The following SOHLH2 variants were observed in gnomAD, a reference collection of about 807,000 sequenced individuals.
SOHLH2 encodes the protein spermatogenesis- and oogenesis-specific basic helix-loop-helix-containing protein 2.
A neutral mutation model predicts 50.4 loss-of-function variants in SOHLH2; 22 were observed. The observed-to-expected ratio is 0.44, with a 90% confidence interval of 0.31 to 0.62. The LOEUF (loss-of-function observed/expected upper bound fraction) is 0.62, where lower values mean the gene tolerates loss of function less well. Among genes scored for constraint, SOHLH2 ranks in the 20% least tolerant of loss-of-function variants. The pLI is 0.08. For synonymous variants in SOHLH2, 185 were observed against 187.3 expected (o/e 0.99, Z 0.10); for missense variants, 412 against 504.4 (o/e 0.82, Z 1.76).
chr13:36,200,784 C>A (rs1004392082), intron 2 of SOHLH2, among the ~76,000 whole-genome samples: 6 of 152,048 alleles, frequency 3.9e-5, no homozygotes, highest in African/African-American at 1.4e-4. Flanking sequence ...GGCATGGTGG[C>A]TCACCCCTGT....
Position 36,202,049 on chromosome 13 carries a change from G to A in SOHLH2, c.93C>T (p.Tyr31=), listed in dbSNP as rs1235003197. 1 of 1,614,088 alleles carries A rather than the reference G, an allele frequency of 6.2e-7. No homozygotes were observed. The highest frequency in any genetic ancestry group is 8.5e-7 in the Non-Finnish European group (1 of 1,180,056). ...ATAGTTTCTGTACAGTATCAGCCAG[G>A]TAGCCCACAGTGACATCTCCAACTA... ...ILLVGDVTVG[Y]LADTVQKLFA... is the part of the protein sequence containing the mutation. The change falls in exon 2 of 11, where the codon TAC becomes TAT. Residue 31 remains tyrosine, a synonymous_variant. Coordinates refer to ENST00000379881, the MANE Select transcript of SOHLH2 (RefSeq NM_017826.3).
intron 6 of SOHLH2, among the ~76,000 whole-genome samples, chr13:36,185,477 AAC>A (rs1349521507): frequency 1.3e-5 from 2 of 152,120 alleles, no homozygotes; most frequent in Non-Finnish European, 2.9e-5. Context: ...AAAACAAACA[AAC>A]ACACAAACAA....
At chr13:36,196,115 GAT>G (rs1887717712) in intron 2 of SOHLH2, among the ~76,000 whole-genome samples, 4 of 150,010 alleles carry the variant, frequency 2.7e-5, no homozygotes, top group Non-Finnish European at 4.4e-5. Context: ...TAGATAGATA[GAT>G]AGATAGATAA....
At chr13:36,193,414 C>G (rs996168399) in intron 4 of SOHLH2, among the ~76,000 whole-genome samples, 6 of 152,228 alleles carry the variant, frequency 3.9e-5, no homozygotes, top group Admixed American at 6.5e-5. Context: ...TTCAACCCCC[C>G]ACCCAAAACC....
intron 1 of SOHLH2, among the ~76,000 whole-genome samples, chr13:36,211,246 AAC>A (rs1159053494): frequency 6.6e-6 from 1 of 152,244 alleles, no homozygotes; most frequent in Non-Finnish European, 1.5e-5. Flanking sequence ...ACACTAAAAT[AAC>A]ACATATAAAC....
intron 6 of SOHLH2, among the ~76,000 whole-genome samples, chr13:36,176,930 T>G (rs968285103): frequency 4.6e-5 from 7 of 152,060 alleles, no homozygotes; most frequent in African/African-American, 1.7e-4. Context: ...AAAACAAAAA[T>G]GCACAATGAG....
intron 9 of SOHLH2, among the ~76,000 whole-genome samples, chr13:36,172,197 C>T (rs749800436): frequency 6.6e-6 from 1 of 152,094 alleles, no homozygotes; most frequent in Non-Finnish European, 1.5e-5. Context: ...GGCCTGAACT[C>T]GCTGCCACGA....
chr13:36,201,068 A>G (rs528231235), intron 2 of SOHLH2, among the ~76,000 whole-genome samples: 10 of 150,146 alleles, frequency 6.7e-5, no homozygotes, highest in African/African-American at 1.5e-4. Context: ...AAAAAAAAAA[A>G]AAAGAAAAGA....
chr13:36,176,935 A>C (rs1431116035), intron 6 of SOHLH2, among the ~76,000 whole-genome samples: 2 of 152,072 alleles, frequency 1.3e-5, no homozygotes, highest in Non-Finnish European at 2.9e-5. Context: ...AAAAATGCAC[A>C]ATGAGTCCCA....
chr13:36,200,163 T>C (rs1367040260), intron 2 of SOHLH2, among the ~76,000 whole-genome samples: 4 of 152,214 alleles, frequency 2.6e-5, no homozygotes, highest in African/African-American at 9.6e-5. Flanking sequence ...ACCTGCCTCA[T>C]GTAGCTGCTG....
chr13:36,189,776 C>A (rs199637123), intron 6 of SOHLH2, among the ~76,000 whole-genome samples, 170 bp downstream of exon 6: 1 of 152,176 alleles, frequency 6.6e-6, no homozygotes, highest in Admixed American at 6.5e-5. Flanking sequence ...ACTGCAGACT[C>A]AGAAACATTT....
chr13:36,199,081 A>C (rs1887818775), intron 2 of SOHLH2, among the ~76,000 whole-genome samples: 1 of 152,222 alleles, frequency 6.6e-6, no homozygotes, highest in Non-Finnish European at 1.5e-5. Context: ...GCCCAAACTC[A>C]AAAGATGTAG....
intron 1 of SOHLH2, among the ~76,000 whole-genome samples, chr13:36,213,644 T>C (rs1035374467): frequency 3.9e-5 from 6 of 152,136 alleles, no homozygotes; most frequent in Non-Finnish European, 8.8e-5. Flanking sequence ...ATTTTGTGCT[T>C]TGCTAAAGGG....
At position 36,189,980 on chromosome 13, in the gene SOHLH2, A is replaced by G; in HGVS notation, c.607T>C (p.Ser203Pro). ...TTTTCCTTGCTTGAATGAAGAAGAGAGATCTTTTTGTTTTTCTCGAACTCT... is the reference window on the plus strand; with the variant it reads ...TTTTCCTTGCTTGAATGAAGAAGAGGGATCTTTTTGTTTTTCTCGAACTCT... ...LSEFEKNKKI[S>P]LLHSSKEKLR... is the part of the protein sequence containing the mutation. Residue 203 changes from serine to proline, a missense_variant, in exon 6 of 11, where the codon TCT (serine) becomes CCT (proline). Physicochemically the swap from Ser to Pro is moderately conservative, Grantham distance 74. Coordinates refer to ENST00000379881, the MANE Select transcript of SOHLH2 (RefSeq NM_017826.3). 6.2e-7 allele frequency: 1 copy of G among 1,604,140 alleles called. No homozygotes were observed. The highest frequency in any genetic ancestry group is 8.5e-7 in the Non-Finnish European group (1 of 1,173,808).
At chr13:36,203,653 A>T (rs1441003957) in intron 1 of SOHLH2, among the ~76,000 whole-genome samples, 2 of 152,192 alleles carry the variant, frequency 1.3e-5, no homozygotes, top group African/African-American at 4.8e-5. Context: ...ATGAGTACTC[A>T]TTTCCCCAAA....
chr13:36,190,336 C>T lies in SOHLH2; in HGVS notation c.531-280G>A, dbSNP rs141964235. Among the ~76,000 whole-genome samples, 962 of 152,272 alleles carry T rather than the reference C, an allele frequency of 6.3e-3. 9 individuals are homozygous for T. The highest frequency in any genetic ancestry group is 0.014 in the Middle Eastern group (4 of 294). On this transcript the variant is annotated intron_variant, in intron 5 of 10. Coordinates refer to ENST00000379881, the MANE Select transcript of SOHLH2 (RefSeq NM_017826.3). Reference sequence around the variant, plus strand: ...TACATACAAGCAGGATTAAAACATTCTGACCTTATCAATTATGACTACACC... The same window carrying T: ...TACATACAAGCAGGATTAAAACATTTTGACCTTATCAATTATGACTACACC...
intron 1 of SOHLH2, among the ~76,000 whole-genome samples, chr13:36,208,356 CAGTA>C (rs1868907703): frequency 6.6e-6 from 1 of 152,124 alleles, no homozygotes; most frequent in African/African-American, 2.4e-5. Flanking sequence ...TTATTTAAAT[CAGTA>C]AGGACATATT....
At chr13:36,176,620 G>A (rs972747897) in intron 6 of SOHLH2, among the ~76,000 whole-genome samples, 9 of 151,986 alleles carry the variant, frequency 5.9e-5, no homozygotes, top group Admixed American at 5.2e-4. Flanking sequence ...TAGCCTGAAG[G>A]AAATTTTATA....
chr13:36,173,657 C>G, intron 9 of SOHLH2, 35 bp downstream of exon 9: 1 of 1,611,442 alleles, frequency 6.2e-7, no homozygotes, highest in South Asian at 1.1e-5. Flanking sequence ...GGGCAGGTCC[C>G]CCTCTAAGTG....
Sources: allele counts gnomAD v4.1 joint callset (sites outside exome capture counted in the v4.1 genomes callset), GRCh38; gene constraint gnomAD v4.1.1; transcripts MANE v1.5; gene names NCBI Gene and HGNC (gene_info 2026-07-23, HGNC 2026-07-21).